CPQ: variants seen among roughly 807,000 people sequenced by gnomAD.
The protein encoded by CPQ is carboxypeptidase Q, also known as Ser-Met dipeptidase.
Under a neutral mutation model 45.7 loss-of-function variants are expected in CPQ, and 37 were observed. The observed-to-expected ratio is 0.81, with a 90% CI of 0.62 to 1.07. The LOEUF (loss-of-function observed/expected upper bound fraction) is 1.07. Among genes scored for constraint, CPQ ranks in the 50% least tolerant of loss-of-function variants. The pLI, the probability that CPQ is intolerant of heterozygous loss-of-function variation, is 0.00. For synonymous variants in CPQ, 186 were observed against 205.8 expected, an observed-to-expected ratio of 0.90 and a Z score of 0.82; for missense variants, 537 against 572.9, an observed-to-expected ratio of 0.94 and a Z score of 0.64.
At chr8:97,039,860 A>G (rs1810083655) in intron 6 of CPQ, among the ~76,000 whole-genome samples, 1 of 151,286 alleles carries the variant, frequency 6.6e-6, no homozygotes, top group Non-Finnish European at 1.5e-5. Flanking sequence ...TATGTGCCAC[A>G]TTTTCTTAAT....
intron 7 of CPQ, among the ~76,000 whole-genome samples, chr8:97,093,240 C>T (rs1030604669): frequency 2.0e-4 from 30 of 152,146 alleles, no homozygotes; most frequent in African/African-American, 6.0e-4. Flanking sequence ...TTAGTTCAGC[C>T]ACTGTGGAAA....
At chr8:96,719,979 G>C (rs1360480462) in intron 1 of CPQ, among the ~76,000 whole-genome samples, 1 of 152,124 alleles carries the variant, frequency 6.6e-6, no homozygotes, top group Non-Finnish European at 1.5e-5. Context: ...TTCATTCAAA[G>C]GGTCTGTGGT....
chr8:97,134,641 A>G (rs1306475335), intron 7 of CPQ, among the ~76,000 whole-genome samples: 4 of 152,206 alleles, frequency 2.6e-5, no homozygotes, highest in Non-Finnish European at 5.9e-5. Context: ...GAAGCAAGTC[A>G]TGCAAATGGT....
intron 1 of CPQ, among the ~76,000 whole-genome samples, chr8:96,679,239 A>G (rs779906649): frequency 5.3e-5 from 8 of 152,062 alleles, no homozygotes. Flanking sequence ...GTTGGTGTTG[A>G]ACAATCCTTG....
At chr8:96,743,937 G>A (rs1278547230) in intron 1 of CPQ, among the ~76,000 whole-genome samples, 1 of 152,190 alleles carries the variant, frequency 6.6e-6, no homozygotes, top group Non-Finnish European at 1.5e-5. Flanking sequence ...TTGTTTGTCT[G>A]TGCCCTGCCC....
intron 2 of CPQ, among the ~76,000 whole-genome samples, chr8:96,819,118 G>T (rs1586413051): frequency 6.6e-6 from 1 of 151,842 alleles, no homozygotes; most frequent in East Asian, 1.9e-4. Flanking sequence ...GCTCCCTGAA[G>T]GTCCTCCTGC....
At chr8:97,057,317 G>A (rs77550188) in intron 6 of CPQ, among the ~76,000 whole-genome samples, 3,149 of 152,288 alleles carry the variant, frequency 0.021, 103 homozygotes, top group African/African-American at 0.067. Context: ...AAGAAATAGT[G>A]TTAGGAAAAG....
At chr8:96,923,695 T>C (rs74670446) in intron 4 of CPQ, among the ~76,000 whole-genome samples, 9,901 of 152,302 alleles carry the variant, frequency 0.065, 448 homozygotes, top group Non-Finnish European at 0.1. Context: ...TAAGATGCTC[T>C]GTTTCAGTTT....
intron 1 of CPQ, among the ~76,000 whole-genome samples, chr8:96,733,110 T>C (rs749168930): frequency 2.6e-5 from 4 of 152,206 alleles, no homozygotes; most frequent in Non-Finnish European, 5.9e-5. Context: ...ATACATTTGA[T>C]GGCTGGGGCA....
At chr8:97,133,146 C>T (rs1381688007) in intron 7 of CPQ, 1 of 152,176 alleles carries the variant, frequency 6.6e-6, no homozygotes, top group Non-Finnish European at 1.5e-5. Context: ...ATTTTATACA[C>T]ATACAGACAC....
intron 7 of CPQ, among the ~76,000 whole-genome samples, chr8:97,101,470 ATCTC>A (rs143589471): frequency 8.7e-5 from 13 of 150,028 alleles, no homozygotes; most frequent in Admixed American, 2.7e-4. Context: ...AAGATATACT[ATCTC>A]TCTCTCTCTC....
intron 5 of CPQ, among the ~76,000 whole-genome samples, chr8:96,979,361 C>T (rs1357322409): frequency 6.6e-6 from 1 of 152,152 alleles, no homozygotes; most frequent in African/African-American, 2.4e-5. Context: ...GTAGGGAGAT[C>T]CCAGTTATAC....
intron 2 of CPQ, among the ~76,000 whole-genome samples, chr8:96,793,594 G>A (rs1414880260): frequency 1.3e-5 from 2 of 152,164 alleles, no homozygotes; most frequent in African/African-American, 4.8e-5. Context: ...CAAAATCTAT[G>A]TCCTCACATT....
At chr8:97,072,034 T>C (rs933299612) in intron 7 of CPQ, among the ~76,000 whole-genome samples, 2 of 152,144 alleles carry the variant, frequency 1.3e-5, no homozygotes, top group Non-Finnish European at 2.9e-5. Flanking sequence ...AGGAAATGTT[T>C]TCTAGAAGCC....
intron 7 of CPQ, among the ~76,000 whole-genome samples, chr8:97,097,171 G>A (rs1456814501): frequency 1.3e-5 from 2 of 152,122 alleles, no homozygotes; most frequent in Non-Finnish European, 2.9e-5. Context: ...TATTCAATAA[G>A]TCTATTCCCC....
intron 3 of CPQ, among the ~76,000 whole-genome samples, chr8:96,849,651 C>T (rs1329702463): frequency 6.6e-6 from 1 of 152,208 alleles, no homozygotes; most frequent in African/African-American, 2.4e-5. Flanking sequence ...AAAGATTCCA[C>T]ACCTTTGGTG....
chr8:97,076,547 A>G (rs546132000), intron 7 of CPQ, among the ~76,000 whole-genome samples: 26 of 152,152 alleles, frequency 1.7e-4, no homozygotes, highest in Non-Finnish European at 3.7e-4. Context: ...TGTAGGTTCT[A>G]CTTCCATCTT....
chr8:96,798,273 G>C (rs187679699), intron 2 of CPQ, among the ~76,000 whole-genome samples: 1 of 151,586 alleles, frequency 6.6e-6, no homozygotes, highest in South Asian at 2.1e-4. Context: ...GGGCCCACAG[G>C]TGCATGCCAC....
intron 5 of CPQ, among the ~76,000 whole-genome samples, chr8:96,984,241 CT>C (rs1478414373): frequency 9.2e-5 from 14 of 151,970 alleles, no homozygotes; most frequent in Admixed American, 8.5e-4. Flanking sequence ...TTAGTTATGC[CT>C]TGTTTATAAA....
Sources: allele counts gnomAD v4.1 joint callset (sites outside exome capture counted in the v4.1 genomes callset), GRCh38; gene constraint gnomAD v4.1.1; transcripts MANE v1.5; gene names NCBI Gene and HGNC (gene_info 2026-07-23, HGNC 2026-07-21).